The following RBFOX1 variants were observed in gnomAD, a reference collection of about 807,000 sequenced individuals.
The protein encoded by RBFOX1 is RNA binding fox-1 homolog 1, also known as RNA binding protein fox-1 homolog 1.
Under a neutral mutation model 57.7 loss-of-function variants are expected in RBFOX1, and 8 were observed. That is an observed-to-expected ratio of 0.14 (90% confidence interval 0.08 to 0.25). RBFOX1 has a LOEUF of 0.25. RBFOX1 is among the 10% of genes least tolerant of loss of function. The pLI is 1.00. For missense variants in RBFOX1, 611 were observed against 548.5 expected, an observed-to-expected ratio of 1.11 and a Z score of -1.14; for synonymous variants, 326 against 222.4, an observed-to-expected ratio of 1.47 and a Z score of -4.15.
chr16:5,625,823 A>G lies in RBFOX1; in HGVS notation c.318+26862A>G, dbSNP rs572345535. 1.5e-3 allele frequency among the ~76,000 whole-genome samples: 233 copies of G among 151,456 alleles called. 1 individual carries two copies. The highest frequency in any genetic ancestry group is 5.2e-3 in the African/African-American group (213 of 41,300). On this transcript the variant is annotated intron_variant, in intron 3 of 19. Coordinates refer to the RBFOX1 transcript ENST00000641259. ...TCTGTCTGCCTCAGCCTCCCAAAGT[A>G]CTGGGATTACAGGTGTGAGCCACCG...
chr16:5,857,616 C>T (rs2151880264), intron 3 of RBFOX1, among the ~76,000 whole-genome samples: 1 of 152,248 alleles, frequency 6.6e-6, no homozygotes, highest in South Asian at 2.1e-4. Context: ...GAGTGAATCC[C>T]CTGTTGTTAG....
At chr16:5,939,719 C>G (rs995051204) in intron 4 of RBFOX1, among the ~76,000 whole-genome samples, 1 of 152,132 alleles carries the variant, frequency 6.6e-6, no homozygotes, top group South Asian at 2.1e-4. Flanking sequence ...AAAGTGTCAG[C>G]AAATCTGTGG....
chr16:5,987,170 CT>C (rs779886594), intron 4 of RBFOX1, among the ~76,000 whole-genome samples: 5 of 152,188 alleles, frequency 3.3e-5, no homozygotes, highest in Non-Finnish European at 7.4e-5. Flanking sequence ...ACTGCATCTA[CT>C]TTTTATTGAA....
chr16:7,391,451 C>T (rs2098019235), intron 4 of RBFOX1, among the ~76,000 whole-genome samples: 2 of 152,192 alleles, frequency 1.3e-5, no homozygotes, highest in Admixed American at 6.6e-5. Context: ...TGATTTTCTC[C>T]ACATCTGGAC....
intron 3 of RBFOX1, among the ~76,000 whole-genome samples, chr16:6,718,055 G>A (rs1404729616): frequency 6.6e-6 from 1 of 152,054 alleles, no homozygotes; most frequent in African/African-American, 2.4e-5. Context: ...AAATAAACAG[G>A]TGCATTTCTT....
chr16:5,942,700 C>G (rs960139189), intron 4 of RBFOX1, among the ~76,000 whole-genome samples: 1 of 152,158 alleles, frequency 6.6e-6, no homozygotes, highest in African/African-American at 2.4e-5. Context: ...TTAGCTTGGC[C>G]TATACCCCCG....
At chr16:5,886,063 G>A (rs1597639236) in intron 4 of RBFOX1, among the ~76,000 whole-genome samples, 1 of 152,100 alleles carries the variant, frequency 6.6e-6, no homozygotes, top group Admixed American at 6.6e-5. Flanking sequence ...CCGCTCTGCC[G>A]TATCAAAATG....
chr16:6,917,969 G>A (rs1203811561), intron 3 of RBFOX1, among the ~76,000 whole-genome samples: 3 of 152,118 alleles, frequency 2.0e-5, no homozygotes, highest in Non-Finnish European at 4.4e-5. Context: ...GCCTACAGGA[G>A]AGCCACTTAC....
chr16:7,573,604 C>G (rs1468072502), intron 5 of RBFOX1, among the ~76,000 whole-genome samples: 2 of 152,060 alleles, frequency 1.3e-5, no homozygotes, highest in Non-Finnish European at 2.9e-5. Context: ...GAGGCCAAGG[C>G]AGGCCGATCA....
intron 1 of RBFOX1, among the ~76,000 whole-genome samples, chr16:6,085,126 C>T (rs1051881198): frequency 5.9e-5 from 9 of 152,100 alleles, no homozygotes; most frequent in African/African-American, 2.2e-4. Flanking sequence ...CCTTCAGGGG[C>T]TTATTTCTGC....
intron 3 of RBFOX1, among the ~76,000 whole-genome samples, chr16:5,724,606 A>G (rs2052063649): frequency 6.6e-6 from 1 of 152,128 alleles, no homozygotes. Flanking sequence ...CAGAGAGCCT[A>G]ATGCATTCTG....
chr16:7,118,311 G>C (rs1318040686), intron 4 of RBFOX1, among the ~76,000 whole-genome samples: 5 of 152,008 alleles, frequency 3.3e-5, no homozygotes, highest in Admixed American at 2.0e-4. Context: ...GCTCATTATG[G>C]TTTTAATTTG....
chr16:6,489,496 C>G (rs900911171), intron 2 of RBFOX1, among the ~76,000 whole-genome samples: 4 of 152,086 alleles, frequency 2.6e-5, no homozygotes, highest in African/African-American at 9.7e-5. Flanking sequence ...TATGAGATCA[C>G]ACAGCTTCTA....
intron 4 of RBFOX1, among the ~76,000 whole-genome samples, chr16:7,215,772 G>A (rs549534389): frequency 5.4e-5 from 8 of 147,158 alleles, no homozygotes; most frequent in African/African-American, 1.3e-4. Flanking sequence ...TTGTCCAGGC[G>A]GGAGTGCAGT....
intron 1 of RBFOX1, among the ~76,000 whole-genome samples, chr16:6,281,391 T>A (rs1387112596): frequency 1.3e-5 from 2 of 152,110 alleles, no homozygotes; most frequent in African/African-American, 4.8e-5. Flanking sequence ...GCCAGGATTT[T>A]CCACACCAAC....
intron 2 of RBFOX1, among the ~76,000 whole-genome samples, chr16:6,564,332 T>C (rs1190861999): frequency 1.3e-5 from 2 of 152,100 alleles, no homozygotes; most frequent in Non-Finnish European, 2.9e-5. Context: ...TGGAGTATTA[T>C]TCAGCTATAA....
chr16:7,230,163 G>A (rs903194339), intron 4 of RBFOX1, among the ~76,000 whole-genome samples: 8 of 151,482 alleles, frequency 5.3e-5, no homozygotes, highest in South Asian at 2.1e-4. Context: ...TTCTGCGTTC[G>A]TTTACTCATT....
intron 1 of RBFOX1, among the ~76,000 whole-genome samples, chr16:6,064,632 C>T (rs2095735378): frequency 6.6e-6 from 1 of 152,054 alleles, no homozygotes; most frequent in South Asian, 2.1e-4. Flanking sequence ...CCTCCGCCTC[C>T]CGGGTTCCAG....
rs2063183134 is a variant in RBFOX1 at position 5,277,998 on chromosome 16, T to G, written c.219+37893T>G. 4.6e-5 allele frequency among the ~76,000 whole-genome samples: 7 copies of G among 152,310 alleles called. No homozygotes were observed. In the South Asian group the frequency reaches 1.5e-3, roughly 32 times the overall value. On this transcript the variant is annotated intron_variant, in intron 1 of 2. Transcript: ENST00000585867. Reference sequence around the variant, plus strand: ...CAGGTATCCCGTTGATACACTGATATCCTTTTTTTTGGATATATACCCGGG... The same window carrying G: ...CAGGTATCCCGTTGATACACTGATAGCCTTTTTTTTGGATATATACCCGGG...
Sources: gnomAD v4.1 joint callset for allele counts (sites outside exome capture counted in the v4.1 genomes callset) on GRCh38, gnomAD v4.1.1 for gene constraint, MANE v1.5 for transcripts, NCBI Gene and HGNC (gene_info 2026-07-23, HGNC 2026-07-21) for gene names.